NUB1: variants seen among roughly 807,000 people sequenced by gnomAD.
NUB1 encodes NEDD8 ultimate buster 1.
A neutral mutation model predicts 77.1 loss-of-function variants in NUB1; 41 were observed. That is an observed-to-expected ratio of 0.53 (90% confidence interval 0.41 to 0.69). The LOEUF (loss-of-function observed/expected upper bound fraction) is 0.69, where lower values mean the gene tolerates loss of function less well. NUB1 is among the 30% of genes least tolerant of loss of function. The pLI, the probability that NUB1 is intolerant of heterozygous loss-of-function variation, is 0.00. For missense variants in NUB1, 643 were observed against 743.8 expected (o/e 0.86, Z 1.58); for synonymous variants, 257 against 281.0 (o/e 0.91, Z 0.85).
At chr7:151,345,618 A>G (rs1427814106) in intron 2 of NUB1, among the ~76,000 whole-genome samples, 152 bp downstream of exon 2, 1 of 152,114 alleles carries the variant, frequency 6.6e-6, no homozygotes, top group African/African-American at 2.4e-5. Flanking sequence ...GGAACTGACA[A>G]CCTTATTTTT....
At chr7:151,360,055 TG>T in intron 7 of NUB1, 85 bp from the exon 8 acceptor site, 1 of 619,754 alleles carries the variant, frequency 1.6e-6, no homozygotes, top group Non-Finnish European at 2.8e-6. Flanking sequence ...TTTTTTACTT[TG>T]TTTTTTAAAA....
At chr7:151,366,833 A>C in intron 8 of NUB1, 106 bp from the exon 9 acceptor site, 1 of 862,928 alleles carries the variant, frequency 1.2e-6, no homozygotes. Flanking sequence ...CTTTGAATAT[A>C]TACCAAGAAC....
chr7:151,344,674 A>G (rs998035215), intron 1 of NUB1, among the ~76,000 whole-genome samples: 3 of 151,656 alleles, frequency 2.0e-5, no homozygotes, highest in African/African-American at 7.2e-5. Context: ...ATATTTAACT[A>G]CCAGGATGGT....
chr7:151,346,543 G>C (rs1028026678), intron 2 of NUB1, among the ~76,000 whole-genome samples: 1 of 152,154 alleles, frequency 6.6e-6, no homozygotes, highest in Non-Finnish European at 1.5e-5. Flanking sequence ...GGGAGATTGA[G>C]CTGATGACTA....
intron 3 of NUB1, 65 bp downstream of exon 3, chr7:151,349,305 G>A (rs1216460807): frequency 1.5e-6 from 2 of 1,322,908 alleles, no homozygotes; most frequent in Non-Finnish European, 2.1e-6. Context: ...CAAATAAATT[G>A]TTGTTGTTTG....
chr7:151,345,279 C>A, intron 1 of NUB1, 69 bp from the exon 2 acceptor site: 1 of 963,576 alleles, frequency 1.0e-6, no homozygotes, highest in Non-Finnish European at 1.6e-6. Context: ...AGCACCTTAA[C>A]ATGTAGGTAA....
chr7:151,363,155 ATCAG>A (rs1433908090), intron 8 of NUB1, among the ~76,000 whole-genome samples: 2 of 152,258 alleles, frequency 1.3e-5, no homozygotes, highest in Non-Finnish European at 2.9e-5. Context: ...AAGCAAAAAA[ATCAG>A]TCAGTAGCAA....
At chr7:151,344,488 A>G in intron 1 of NUB1, among the ~76,000 whole-genome samples, 1 of 138,170 alleles carries the variant, frequency 7.2e-6, no homozygotes, top group East Asian at 2.2e-4. Context: ...TTGTTCATAT[A>G]TTTTTTTTTT....
intron 4 of NUB1, among the ~76,000 whole-genome samples, 162 bp from the exon 5 acceptor site, chr7:151,352,650 C>T (rs1456242458): frequency 6.6e-6 from 1 of 152,116 alleles, no homozygotes; most frequent in African/African-American, 2.4e-5. Flanking sequence ...TCTCTGTTGC[C>T]CAGGCTGGTC....
chr7:151,345,654 G>T (rs1796469576), intron 2 of NUB1, among the ~76,000 whole-genome samples, 188 bp downstream of exon 2: 1 of 152,112 alleles, frequency 6.6e-6, no homozygotes, highest in African/African-American at 2.4e-5. Context: ...ATTCACATGA[G>T]GATGTTATCT....
Position 151,375,727 on chromosome 7 carries a change from T to TTC in NUB1, c.1396-117_1396-116dup, listed in dbSNP as rs1003410387. 3 of 673,356 alleles carry TTC rather than the reference T, an allele frequency of 4.5e-6. No individual in the cohort carries two copies. The African/African-American group carries it at 5.4e-5, about 12-fold the overall frequency. The allele number at this position is 673,356 out of a possible 1,614,324, so 41.7% of individuals were successfully genotyped here. The stretch of plus-strand genomic sequence containing the variant: ...AACACCAGCCTGAGTGGGAGCCCCT[T>TTC]TCTCTGCCTCATAGCAGCAGAGGAC... On this transcript the variant is annotated intron_variant, in intron 12 of 14. Coordinates refer to ENST00000568733, the MANE Select transcript of NUB1 (RefSeq NM_001243351.2).
rs538590856 is a variant in NUB1, at chr7:151,344,921, A to C, written c.-2-427A>C. ...AGGCTGATGCAGGGGAATTGCTTGA[A>C]CCCAGGGGGCGGAGCTTGCAGTGAG... On this transcript the variant is annotated intron_variant, in intron 1 of 14. Transcript: ENST00000568733. 4.6e-5 allele frequency among the ~76,000 whole-genome samples: 7 copies of C among 151,684 alleles called. No individual in the cohort carries two copies. In the South Asian group the frequency reaches 1.5e-3, roughly 32 times the overall value.
chr7:151,374,142 C>T lies in NUB1; in HGVS notation c.1294C>T (p.Arg432Cys), dbSNP rs1471492118. The change falls in exon 12 of 15, where the codon CGC becomes TGC. Residue 432 changes from arginine to cysteine, a missense_variant. Transcript: ENST00000568733. ...RKEEKEKKRR[R>C]LENIRFLKGM... Reference sequence around the variant, plus strand: ...GGAGGAAAAAGAGAAGAAAAGACGCCGCCTCGAGAACATCAGGTTTCTGAA... The same window carrying T: ...GGAGGAAAAAGAGAAGAAAAGACGCTGCCTCGAGAACATCAGGTTTCTGAA... The T allele has an allele frequency of 2.5e-6, 4 of 1,573,336 alleles. No homozygotes were observed. Among genetic ancestry groups the T allele is most frequent in the East Asian group, 2.4e-5 (1 of 42,310 alleles).
intron 7 of NUB1, among the ~76,000 whole-genome samples, chr7:151,358,452 A>G (rs971596911): frequency 8.5e-5 from 13 of 152,190 alleles, no homozygotes; most frequent in Admixed American, 6.5e-4. Context: ...CAGGCAAGTG[A>G]GCGTCACCGC....
intron 2 of NUB1, among the ~76,000 whole-genome samples, chr7:151,346,303 G>T (rs1437334785): frequency 6.6e-6 from 1 of 152,160 alleles, no homozygotes; most frequent in African/African-American, 2.4e-5. Flanking sequence ...CAGTCTCTTG[G>T]TTTAGAAACT....
At chr7:151,372,580 G>C (rs1381278984) in intron 11 of NUB1, among the ~76,000 whole-genome samples, 1 of 152,210 alleles carries the variant, frequency 6.6e-6, no homozygotes, top group African/African-American at 2.4e-5. Context: ...AAGTGCAAAT[G>C]TGAGTGGTAT....
At chr7:151,364,265 C>A (rs1259806914) in intron 8 of NUB1, among the ~76,000 whole-genome samples, 19 of 149,004 alleles carry the variant, frequency 1.3e-4, no homozygotes, top group African/African-American at 4.7e-4. Flanking sequence ...ACTAAAAATA[C>A]AAAAAATTAG....
chr7:151,363,547 CAT>C (rs1265485434), intron 8 of NUB1, among the ~76,000 whole-genome samples: 1 of 151,358 alleles, frequency 6.6e-6, no homozygotes, highest in Non-Finnish European at 1.5e-5. Context: ...GAAAGGCAGA[CAT>C]GTGGGACAGA....
chr7:151,373,631 C>A (rs1798059729), intron 11 of NUB1, among the ~76,000 whole-genome samples: 1 of 152,206 alleles, frequency 6.6e-6, no homozygotes, highest in African/African-American at 2.4e-5. Context: ...TGCCCAGGAG[C>A]CCCTGATTCC....
Sources: gnomAD v4.1 joint callset for allele counts (sites outside exome capture counted in the v4.1 genomes callset) on GRCh38, gnomAD v4.1.1 for gene constraint, MANE v1.5 for transcripts, NCBI Gene and HGNC (gene_info 2026-07-23, HGNC 2026-07-21) for gene names.